The following METTL16 variants were observed in gnomAD, a reference collection of about 807,000 sequenced individuals.
METTL16 encodes the protein methyltransferase 16, RNA N6-adenosine.
METTL16 carries 19 observed loss-of-function variants against 57.9 expected under a neutral mutation model. The observed-to-expected ratio is 0.33, with a 90% confidence interval of 0.23 to 0.48. The LOEUF (loss-of-function observed/expected upper bound fraction) is 0.48, where lower values mean the gene tolerates loss of function less well. Ranked by LOEUF, METTL16 falls within the 20% of genes least tolerant of loss-of-function variation. METTL16 has a pLI of 0.99. For missense variants in METTL16, 434 were observed against 691.5 expected (o/e 0.63, Z 4.18); for synonymous variants, 246 against 255.6 (o/e 0.96, Z 0.36).
intron 8 of METTL16, among the ~76,000 whole-genome samples, chr17:2,430,266 C>A (rs1472159436): frequency 6.6e-6 from 1 of 151,980 alleles, no homozygotes. Context: ...GCGCATACCA[C>A]CACTCCTGGC....
chr17:2,511,231 T>G (rs1003031354), intron 1 of METTL16, among the ~76,000 whole-genome samples: 21 of 139,354 alleles, frequency 1.5e-4, no homozygotes, highest in African/African-American at 4.1e-4. Context: ...TTTTTTTTTT[T>G]CTTTCTCATC....
chr17:2,480,572 A>G (rs575489657), intron 2 of METTL16, among the ~76,000 whole-genome samples: 38 of 152,192 alleles, frequency 2.5e-4, no homozygotes, highest in East Asian at 5.8e-4. Flanking sequence ...AGTTCCTTGG[A>G]TAAATGGTTA....
intron 6 of METTL16, among the ~76,000 whole-genome samples, chr17:2,459,106 T>G (rs1326072053): frequency 1.3e-5 from 2 of 151,976 alleles, no homozygotes; most frequent in Non-Finnish European, 2.9e-5. Context: ...GTGCCCGGAC[T>G]GGGTGAGTCA....
At chr17:2,437,851 A>G (rs1046395222) in intron 8 of METTL16, among the ~76,000 whole-genome samples, 4 of 152,160 alleles carry the variant, frequency 2.6e-5, no homozygotes, top group African/African-American at 9.7e-5. Flanking sequence ...TGCCCAGCCA[A>G]ATTTTTAATT....
intron 8 of METTL16, among the ~76,000 whole-genome samples, chr17:2,423,767 A>G (rs2066787102): frequency 6.6e-6 from 1 of 152,062 alleles, no homozygotes; most frequent in Non-Finnish European, 1.5e-5. Context: ...AAGTCAGGAT[A>G]TTGCTGTTTC....
intron 1 of METTL16, among the ~76,000 whole-genome samples, chr17:2,506,103 T>G (rs1010966469): frequency 2.0e-5 from 3 of 151,774 alleles, no homozygotes; most frequent in Non-Finnish European, 4.4e-5. Flanking sequence ...ATGCAGGTTA[T>G]TCTTTTTATC....
chr17:2,457,706 G>A (rs1296691111), intron 6 of METTL16, among the ~76,000 whole-genome samples: 3 of 141,172 alleles, frequency 2.1e-5, no homozygotes, highest in Non-Finnish European at 1.5e-5. Context: ...GCGAGACTCT[G>A]TCTCAAAAAA....
At chr17:2,445,621 A>G (rs1423569343) in intron 6 of METTL16, among the ~76,000 whole-genome samples, 1 of 152,058 alleles carries the variant, frequency 6.6e-6, no homozygotes, top group Non-Finnish European at 1.5e-5. Context: ...CCCCGCCTCT[A>G]CTGAAAATAC....
intron 6 of METTL16, among the ~76,000 whole-genome samples, chr17:2,456,207 T>C (rs2067108989): frequency 1.3e-5 from 2 of 152,078 alleles, no homozygotes; most frequent in African/African-American, 4.8e-5. Context: ...CCAGTACTTC[T>C]CTATCTCTGG....
In METTL16 at chr17:2,419,004, G is replaced by C. The variant is rs965528536; in HGVS notation, c.*966C>G. The C allele has an allele frequency of 2.0e-5, 3 of 153,020 alleles. No homozygotes were observed. Among genetic ancestry groups the C allele is most frequent in the Non-Finnish European group, 2.9e-5 (2 of 68,748 alleles). The allele number at this position is 153,020 out of a possible 1,614,324, so 9.5% of individuals were successfully genotyped here. On this transcript the variant is annotated 3_prime_UTR_variant, in exon 10 of 10. Coordinates refer to ENST00000263092, the MANE Select transcript of METTL16 (RefSeq NM_024086.4). ...CCAATGTGAGTAGGTAAGTACAGGG[G>C]GGATTACAAGTGAAGCCACAAAAAA...
intron 8 of METTL16, among the ~76,000 whole-genome samples, chr17:2,426,523 G>A (rs1166129644): frequency 6.6e-6 from 1 of 151,940 alleles, no homozygotes; most frequent in Non-Finnish European, 1.5e-5. Flanking sequence ...AAGGTCAGGA[G>A]ATCAAGACTA....
intron 4 of METTL16, 49 bp downstream of exon 4, chr17:2,473,475 A>C: frequency 6.4e-7 from 1 of 1,552,066 alleles, no homozygotes; most frequent in Non-Finnish European, 8.7e-7. Context: ...TAAACTAAAA[A>C]GGCAGGTGAA....
At chr17:2,481,680 A>AC (rs1281061067) in intron 2 of METTL16, among the ~76,000 whole-genome samples, 1 of 152,070 alleles carries the variant, frequency 6.6e-6, no homozygotes, top group Non-Finnish European at 1.5e-5. Context: ...AATAATGAAG[A>AC]CCCCCTTGCA....
intron 2 of METTL16, among the ~76,000 whole-genome samples, chr17:2,483,725 T>C (rs1424103018): frequency 6.6e-6 from 1 of 152,196 alleles, no homozygotes; most frequent in Non-Finnish European, 1.5e-5. Flanking sequence ...ATCAACAAGA[T>C]AAATGATGAG....
intron 7 of METTL16, among the ~76,000 whole-genome samples, chr17:2,439,088 G>A (rs1025005852): frequency 2.6e-5 from 4 of 152,032 alleles, no homozygotes; most frequent in African/African-American, 7.2e-5. Context: ...TGGAAGTGGC[G>A]GTGGGAGTAT....
At position 2,420,277 on chromosome 17, in the gene METTL16, T is replaced by G; in HGVS notation, c.1382A>C (p.Glu461Ala). Residue 461 changes from glutamate (E) to alanine (A), a missense_variant, in exon 10 of 10, where the codon GAA (glutamate) becomes GCA (alanine). Physicochemically the swap from Glu to Ala is moderately radical, Grantham distance 107. This residue lies in a region of METTL16 where 168 missense variants were observed against 149.6 expected (regional missense o/e 1.12). Transcript: ENST00000263092. The surrounding 1 kb of genome is among the most constrained non-coding windows in gnomAD (Gnocchi z 5.4). ...QESLSQEENP[E>A]PTEDERSEEK... ...CTCACTCCTTTCATCCTCCGTGGGT[T>G]CCGGGTTTTCCTCCTGGGACAGGGA... 1 of 1,613,734 alleles carries G rather than the reference T, an allele frequency of 6.2e-7. No individual in the cohort carries two copies. Among genetic ancestry groups the G allele is most frequent in the Non-Finnish European group, 8.5e-7 (1 of 1,180,034 alleles).
intron 8 of METTL16, among the ~76,000 whole-genome samples, chr17:2,436,240 T>C (rs2066907753): frequency 2.0e-5 from 3 of 151,938 alleles, no homozygotes; most frequent in Non-Finnish European, 4.4e-5. Flanking sequence ...TTCGGGGTGG[T>C]GAGGGGTGTC....
chr17:2,424,687 G>A (rs1461849886), intron 8 of METTL16, among the ~76,000 whole-genome samples: 1 of 152,036 alleles, frequency 6.6e-6, no homozygotes, highest in African/African-American at 2.4e-5. Flanking sequence ...AGTGGCTCAC[G>A]CCTGTAATCC....
rs909926960 is a variant in METTL16, at chr17:2,486,739, G to A, written c.129-8854C>T. ...TGTAATTCCAGCACTTTGGGTGGCT[G>A]AGGTGGGTGGATGGCTTGAGTCCAG... On this transcript the variant is annotated intron_variant, in intron 2 of 9. Transcript: ENST00000263092. Among the ~76,000 whole-genome samples, 14 of 152,148 alleles carry A rather than the reference G, an allele frequency of 9.2e-5. No individual in the cohort carries two copies. The South Asian group carries it at 1.7e-3, about 18-fold the overall frequency.
Sources: gnomAD v4.1 joint callset for allele counts (sites outside exome capture counted in the v4.1 genomes callset) on GRCh38, gnomAD v4.1.1 for gene constraint, gnomAD v4.1.1 regional missense constraint, Gnocchi (gnomAD v3.1) non-coding constraint, MANE v1.5 for transcripts, NCBI Gene and HGNC (gene_info 2026-07-23, HGNC 2026-07-21) for gene names.